Variants in RABGAP1L observed in about 807,000 individuals in gnomAD.
The protein encoded by RABGAP1L is rab GTPase-activating protein 1-like.
Under a neutral mutation model 137.7 loss-of-function variants are expected in RABGAP1L, and 63 were observed. The ratio of observed to expected loss-of-function variants is 0.46; its 90% CI spans 0.37 to 0.56. RABGAP1L has a LOEUF of 0.56. RABGAP1L is among the 20% of genes least tolerant of loss of function. RABGAP1L has a pLI of 0.00. For missense variants in RABGAP1L, 1,095 were observed against 1,244.0 expected (o/e 0.88, Z 1.80); for synonymous variants, 431 against 433.7 (o/e 0.99, Z 0.08).
chr1:174,958,536 A>G (rs531141844), intron 20 of RABGAP1L, among the ~76,000 whole-genome samples: 13 of 152,356 alleles, frequency 8.5e-5, no homozygotes, highest in Admixed American at 7.8e-4. Flanking sequence ...TCTCCTGCCA[A>G]GAAATGGACT....
At chr1:174,664,709 CTCTT>C (rs1350563988) in intron 14 of RABGAP1L, among the ~76,000 whole-genome samples, 48 of 129,124 alleles carry the variant, frequency 3.7e-4, no homozygotes, top group Middle Eastern at 4.5e-3. Flanking sequence ...CTCTCTCTCT[CTCTT>C]TCTTTCTTTC....
chr1:174,858,123 C>T (rs1049158715), intron 19 of RABGAP1L, among the ~76,000 whole-genome samples: 2 of 152,122 alleles, frequency 1.3e-5, no homozygotes, highest in African/African-American at 4.8e-5. Flanking sequence ...GATGATCCTC[C>T]TACCTCAGCT....
chr1:174,530,836 TAC>T (rs1664336328), intron 13 of RABGAP1L, among the ~76,000 whole-genome samples: 2 of 54,920 alleles, frequency 3.6e-5, no homozygotes, highest in Non-Finnish European at 6.3e-5. Context: ...CATACATACA[TAC>T]GTACGTTTGT....
At position 174,833,630 on chromosome 1, in the gene RABGAP1L, C is replaced by T. The variant is rs1302071958; in HGVS notation, c.2340+21670C>T. Among the ~76,000 whole-genome samples, 9 of 150,348 alleles carry T rather than the reference C, an allele frequency of 6.0e-5. No individual in the cohort carries two copies. In the East Asian group the frequency reaches 1.8e-3, roughly 29 times the overall value. ...GCAGTATGATCATTTACATGGCATC[C>T]ACTCATTCTTTCACTTAATCTTTAC... On this transcript the variant is annotated intron_variant, in intron 19 of 25. Transcript: ENST00000681986.
At chr1:174,716,535 A>G (rs890363929) in intron 17 of RABGAP1L, among the ~76,000 whole-genome samples, 2 of 152,204 alleles carry the variant, frequency 1.3e-5, no homozygotes, top group African/African-American at 4.8e-5. Context: ...ATATTTAGCT[A>G]CCAGTACTAG....
intron 19 of RABGAP1L, chr1:174,935,245 G>A (rs1219077512): frequency 2.0e-5 from 3 of 152,174 alleles, no homozygotes; most frequent in Non-Finnish European, 4.4e-5. Context: ...TGTTCTCAAG[G>A]AGACTTTTAT....
At chr1:174,248,191 G>C (rs1382092542) in intron 5 of RABGAP1L, among the ~76,000 whole-genome samples, 1 of 152,118 alleles carries the variant, frequency 6.6e-6, no homozygotes, top group Non-Finnish European at 1.5e-5. Context: ...GAACCTTTCT[G>C]TTTTTAGCTT....
chr1:174,404,875 A>G (rs1558205832), intron 13 of RABGAP1L, among the ~76,000 whole-genome samples: 1 of 152,192 alleles, frequency 6.6e-6, no homozygotes, highest in Admixed American at 6.6e-5. Flanking sequence ...ATAATAAAAA[A>G]CAACTGCAAG....
rs1653108229 is a variant in RABGAP1L at position 174,876,360 on chromosome 1, G to A, written c.2340+64400G>A. On this transcript the variant is annotated intron_variant, in intron 19 of 25. Coordinates refer to ENST00000681986, the MANE Select transcript of RABGAP1L (RefSeq NM_001366446.1). The stretch of plus-strand genomic sequence containing the variant: ...CTCATAGTAAGTACTGCAGTGTCAT[G>A]ATCTAGAAAAAGCAGGGAAGATACT... Among the ~76,000 whole-genome samples, 4 of 152,128 alleles carry A rather than the reference G, an allele frequency of 2.6e-5. 1 individual carries two copies.
intron 13 of RABGAP1L, among the ~76,000 whole-genome samples, chr1:174,629,014 T>G (rs1250280195): frequency 6.6e-6 from 1 of 152,192 alleles, no homozygotes; most frequent in Non-Finnish European, 1.5e-5. Flanking sequence ...CTTTCTTCAT[T>G]ATATTTCTTG....
chr1:174,625,476 C>G (rs1271037521), intron 13 of RABGAP1L, among the ~76,000 whole-genome samples: 1 of 152,060 alleles, frequency 6.6e-6, no homozygotes, highest in African/African-American at 2.4e-5. Flanking sequence ...CTCTGTTGCC[C>G]AGGCTGGAGT....
chr1:174,359,803 A>G (rs1683975423), intron 11 of RABGAP1L, among the ~76,000 whole-genome samples: 1 of 152,226 alleles, frequency 6.6e-6, no homozygotes, highest in Non-Finnish European at 1.5e-5. Flanking sequence ...TCTCATTTTT[A>G]AAATGGGCAA....
chr1:174,255,456 C>A (rs1478469306), intron 7 of RABGAP1L, among the ~76,000 whole-genome samples: 1 of 152,158 alleles, frequency 6.6e-6, no homozygotes, highest in Non-Finnish European at 1.5e-5. Context: ...AAGATTGTTA[C>A]CAATATCTCA....
rs73042877 is a variant in RABGAP1L, at chr1:174,557,266, A to T, written c.1711-80109A>T. On this transcript the variant is annotated intron_variant, in intron 13 of 25. Transcript: ENST00000681986. ...AATATCTTCAATTTGGACATTATCA[A>T]CTGCCTTGCTGATGCCTTGATTGAG... Among the ~76,000 whole-genome samples the T allele has an allele frequency of 5.3e-3, 803 of 152,344 alleles. 9 individuals are homozygous for T. The highest frequency in any genetic ancestry group is 0.018 in the African/African-American group (758 of 41,578).
At chr1:174,193,787 C>G in intron 1 of RABGAP1L, among the ~76,000 whole-genome samples, 1 of 151,942 alleles carries the variant, frequency 6.6e-6, no homozygotes, top group African/African-American at 2.4e-5. Context: ...TTAGTGAATA[C>G]CTGTCATTTG....
chr1:174,710,129 G>T (rs751041279), intron 17 of RABGAP1L, among the ~76,000 whole-genome samples: 1 of 152,160 alleles, frequency 6.6e-6, no homozygotes, highest in African/African-American at 2.4e-5. Flanking sequence ...AGAATGAAAA[G>T]GAAGAAACAA....
intron 14 of RABGAP1L, among the ~76,000 whole-genome samples, chr1:174,640,847 T>C (rs1427714697): frequency 6.6e-6 from 1 of 151,282 alleles, no homozygotes; most frequent in Non-Finnish European, 1.5e-5. Context: ...TGAAAGGAAA[T>C]GCATCTAATG....
chr1:174,870,740 CTT>C (rs796488016), intron 19 of RABGAP1L, among the ~76,000 whole-genome samples: 12 of 141,564 alleles, frequency 8.5e-5, no homozygotes, highest in East Asian at 2.1e-4. Context: ...ATTATAACTT[CTT>C]TTTTTTTTTT....
chr1:174,227,384 G>A (rs761620769), intron 3 of RABGAP1L, among the ~76,000 whole-genome samples: 19 of 147,528 alleles, frequency 1.3e-4, no homozygotes, highest in Non-Finnish European at 7.5e-5. Flanking sequence ...TTTTTTTTTA[G>A]TAGAGATGGG....
Sources: allele counts gnomAD v4.1 joint callset (sites outside exome capture counted in the v4.1 genomes callset), GRCh38; gene constraint gnomAD v4.1.1; transcripts MANE v1.5; gene names NCBI Gene and HGNC (gene_info 2026-07-23, HGNC 2026-07-21).